Variants in MGAT4A observed in about 807,000 individuals in gnomAD.
MGAT4A encodes the protein alpha-1,3-mannosyl-glycoprotein 4-beta-N-acetylglucosaminyltransferase A.
Under a neutral mutation model 74.1 loss-of-function variants are expected in MGAT4A, and 33 were observed. The observed-to-expected ratio is 0.45, with a 90% CI of 0.34 to 0.60. The LOEUF is 0.60. Among genes scored for constraint, MGAT4A ranks in the 20% least tolerant of loss-of-function variants. The pLI is 0.02. For missense variants in MGAT4A, 479 were observed against 628.3 expected (o/e 0.76, Z 2.54); for synonymous variants, 198 against 210.4 (o/e 0.94, Z 0.51).
chr2:98,645,228 T>C (rs532038987), intron 9 of MGAT4A, among the ~76,000 whole-genome samples, 200 bp downstream of exon 9: 2 of 152,330 alleles, frequency 1.3e-5, no homozygotes, highest in South Asian at 4.1e-4. Context: ...GTAAATACAA[T>C]AATCTTAGAA....
intron 2 of MGAT4A, among the ~76,000 whole-genome samples, chr2:98,689,581 T>TG (rs200219152): frequency 0.012 from 1,767 of 152,262 alleles, 15 homozygotes; most frequent in Middle Eastern, 0.027. Flanking sequence ...CCCAACACTT[T>TG]GGAGGCTGAA....
intron 10 of MGAT4A, among the ~76,000 whole-genome samples, 164 bp from the exon 11 acceptor site, chr2:98,640,392 C>T (rs1410748827): frequency 2.0e-5 from 3 of 152,186 alleles, no homozygotes; most frequent in African/African-American, 7.2e-5. Context: ...GGTGGATCAC[C>T]TGAGGTCAGG....
At chr2:98,699,238 C>T (rs1702316990) in intron 2 of MGAT4A, among the ~76,000 whole-genome samples, 1 of 152,236 alleles carries the variant, frequency 6.6e-6, no homozygotes, top group African/African-American at 2.4e-5. Flanking sequence ...GCGGGCTGGT[C>T]ACATAGGCAC....
Position 98,673,021 on chromosome 2 carries a change from C to T in MGAT4A, c.403+2014G>A, listed in dbSNP as rs552026834. On this transcript the variant is annotated intron_variant, in intron 4 of 15. Coordinates refer to ENST00000393487, the MANE Select transcript of MGAT4A (RefSeq NM_012214.3). ...TTCAGCAACCCCTTGTTGCTGAAGT[C>T]GCCCTTGCACCTGCTTGTAGTCGCT... Among the ~76,000 whole-genome samples, 12 of 152,230 alleles carry T rather than the reference C, an allele frequency of 7.9e-5. No individual in the cohort carries two copies. The East Asian group carries it at 1.2e-3, about 15-fold the overall frequency.
Position 98,620,378 on chromosome 2 carries a change from T to G in MGAT4A, c.*5188A>C, listed in dbSNP as rs1034824626. The G allele has an allele frequency of 1.3e-5, 2 of 152,214 alleles. No homozygotes were observed. The highest frequency in any genetic ancestry group is 4.8e-5 in the African/African-American group (2 of 41,468). The allele number at this position is 152,214 out of a possible 1,614,324, so 9.4% of individuals were successfully genotyped here. Reference sequence around the variant, plus strand: ...GGGATTGGACTGGATAAAGTTCCCTTAAAACACTAAGGTATGGTTATGACT... The same window carrying G: ...GGGATTGGACTGGATAAAGTTCCCTGAAAACACTAAGGTATGGTTATGACT... On this transcript the variant is annotated 3_prime_UTR_variant, in exon 16 of 16. Coordinates refer to ENST00000393487, the MANE Select transcript of MGAT4A (RefSeq NM_012214.3).
At chr2:98,667,105 C>T (rs1701842776) in intron 4 of MGAT4A, among the ~76,000 whole-genome samples, 1 of 67,370 alleles carries the variant, frequency 1.5e-5, no homozygotes, top group Middle Eastern at 5.9e-3. Flanking sequence ...TTGCTCTCTG[C>T]CTGCTGCCAT....
chr2:98,684,922 C>G (rs1215496865), intron 2 of MGAT4A, among the ~76,000 whole-genome samples: 1 of 152,030 alleles, frequency 6.6e-6, no homozygotes, highest in African/African-American at 2.4e-5. Flanking sequence ...TAATAAAATT[C>G]TGGCACTGAA....
At chr2:98,683,324 T>C (rs1702088548) in intron 2 of MGAT4A, among the ~76,000 whole-genome samples, 1 of 152,156 alleles carries the variant, frequency 6.6e-6, no homozygotes, top group African/African-American at 2.4e-5. Context: ...TTTCCTGAAT[T>C]TGACACTCGA....
chr2:98,642,839 G>A (rs113198868), intron 10 of MGAT4A, among the ~76,000 whole-genome samples: 1 of 152,066 alleles, frequency 6.6e-6, no homozygotes, highest in Non-Finnish European at 1.5e-5. Flanking sequence ...ATGTGTTGGG[G>A]TTTTTTAAAA....
chr2:98,667,031 C>T (rs1249738196), intron 4 of MGAT4A, among the ~76,000 whole-genome samples: 3 of 152,224 alleles, frequency 2.0e-5, no homozygotes, highest in East Asian at 1.9e-4. Context: ...GTGCTGTTCT[C>T]GTGATAGTGA....
chr2:98,632,794 GC>G (rs1044717601), intron 14 of MGAT4A, among the ~76,000 whole-genome samples: 6 of 152,248 alleles, frequency 3.9e-5, no homozygotes, highest in African/African-American at 1.4e-4. Context: ...AGACAGAGTG[GC>G]CCAGGCTGGA....
At chr2:98,658,097 C>A in intron 6 of MGAT4A, 121 bp downstream of exon 6, 1 of 661,478 alleles carries the variant, frequency 1.5e-6, no homozygotes, top group South Asian at 1.8e-5. Context: ...CAGAGGTGAT[C>A]TAATAAACAA....
At chr2:98,697,400 T>C (rs1478136618) in intron 2 of MGAT4A, among the ~76,000 whole-genome samples, 1 of 152,176 alleles carries the variant, frequency 6.6e-6, no homozygotes, top group Non-Finnish European at 1.5e-5. Context: ...TGATGGGGGA[T>C]GCAGGGGTTG....
chr2:98,720,737 C>T (rs114905547), intron 2 of MGAT4A, among the ~76,000 whole-genome samples: 3 of 151,564 alleles, frequency 2.0e-5, no homozygotes, highest in African/African-American at 4.9e-5. Flanking sequence ...GAAGGCAGGT[C>T]GGTAGAGATT....
chr2:98,680,170 A>T (rs984939393), intron 2 of MGAT4A, among the ~76,000 whole-genome samples: 1 of 151,082 alleles, frequency 6.6e-6, no homozygotes, highest in Non-Finnish European at 1.5e-5. Context: ...CAGCCTCCCA[A>T]GTAGCTGGGA....
At chr2:98,727,731 C>T (rs1453984667) in intron 1 of MGAT4A, among the ~76,000 whole-genome samples, 3 of 152,220 alleles carry the variant, frequency 2.0e-5, no homozygotes, top group Non-Finnish European at 4.4e-5. Context: ...ATTGCCACCA[C>T]CACTGCTTCT....
intron 4 of MGAT4A, among the ~76,000 whole-genome samples, chr2:98,667,703 TTG>T (rs1559164170): frequency 2.0e-5 from 3 of 149,804 alleles, no homozygotes; most frequent in African/African-American, 7.3e-5. Context: ...GTTTTTGTTG[TTG>T]TTGTTGTTGT....
At chr2:98,662,425 C>G (rs554388496) in intron 5 of MGAT4A, among the ~76,000 whole-genome samples, 1 of 152,172 alleles carries the variant, frequency 6.6e-6, no homozygotes, top group East Asian at 1.9e-4. Flanking sequence ...ATCATCAAGA[C>G]CATTTTCATT....
In MGAT4A at chr2:98,655,445, C is replaced by G. The variant is rs752503889; in HGVS notation, c.774G>C (p.Gln258His). Residue 258 changes from glutamine to histidine, a missense_variant and splice_region_variant, in exon 8 of 16, where the codon CAG (glutamine) becomes CAC (histidine). Gln to His is a conservative substitution (Grantham distance 24). This residue lies in a region of MGAT4A where 38 missense variants were observed against 87.4 expected (regional missense o/e 0.43). Transcript: ENST00000393487. ...YAQEKGIYYI[Q>H]LEDDIIVKQN... ...AAAACAAAGGAAAAACTACACTTACCTGAATGTAATATATGCCCTTTTCTT... is the reference window on the plus strand; with the variant it reads ...AAAACAAAGGAAAAACTACACTTACGTGAATGTAATATATGCCCTTTTCTT... 1 of 1,594,788 alleles carries G rather than the reference C, an allele frequency of 6.3e-7. No homozygotes were observed. Among genetic ancestry groups the G allele is most frequent in the Non-Finnish European group, 8.6e-7 (1 of 1,168,494 alleles).
Sources: allele counts gnomAD v4.1 joint callset (sites outside exome capture counted in the v4.1 genomes callset), GRCh38; gene constraint gnomAD v4.1.1; regional missense constraint gnomAD v4.1.1; transcripts MANE v1.5; gene names NCBI Gene and HGNC (gene_info 2026-07-23, HGNC 2026-07-21).